Variants in LMLN observed in about 807,000 individuals in gnomAD.
LMLN encodes leishmanolysin-like peptidase.
LMLN carries 70 observed loss-of-function variants against 92.3 expected under a neutral mutation model. That is an observed-to-expected ratio of 0.76 (90% CI 0.63 to 0.92). The LOEUF is 0.92. Ranked by LOEUF, LMLN falls within the 40% of genes least tolerant of loss-of-function variation. LMLN has a pLI of 0.00. For missense variants in LMLN, 691 were observed against 814.6 expected (o/e 0.85, Z 1.85); for synonymous variants, 308 against 296.2 (o/e 1.04, Z -0.41).
intron 5 of LMLN, 111 bp from the exon 6 acceptor site, chr3:197,980,215 A>G (rs763001206): frequency 2.6e-5 from 22 of 844,960 alleles, no homozygotes; most frequent in Non-Finnish European, 4.0e-5. Flanking sequence ...TTTAGGGATA[A>G]TAAAGATTAA....
chr3:197,997,411 G>T (rs1722057957), intron 10 of LMLN, among the ~76,000 whole-genome samples: 1 of 152,192 alleles, frequency 6.6e-6, no homozygotes, highest in East Asian at 1.9e-4. Flanking sequence ...GGGGTTACGG[G>T]CATGCATTCC....
intron 11 of LMLN, 127 bp downstream of exon 11, chr3:197,999,469 G>C: frequency 1.5e-6 from 1 of 652,970 alleles, no homozygotes; most frequent in Non-Finnish European, 2.7e-6. Context: ...TTTGAATCTT[G>C]TACAGTTAGC....
intron 11 of LMLN, among the ~76,000 whole-genome samples, chr3:198,006,631 GT>G (rs1722301094): frequency 6.6e-6 from 1 of 151,760 alleles, no homozygotes; most frequent in Non-Finnish European, 1.5e-5. Context: ...TTTAATTTGT[GT>G]TTCCCTAACG....
At chr3:198,024,143 A>T (rs1322569109) in intron 13 of LMLN, among the ~76,000 whole-genome samples, 1 of 151,508 alleles carries the variant, frequency 6.6e-6, no homozygotes, top group Non-Finnish European at 1.5e-5. Context: ...CTTGTGTCTG[A>T]TGCAGTAATT....
At chr3:198,008,382 A>G (rs1722349787) in intron 11 of LMLN, among the ~76,000 whole-genome samples, 1 of 152,226 alleles carries the variant, frequency 6.6e-6, no homozygotes, top group African/African-American at 2.4e-5. Flanking sequence ...TTATTACTAA[A>G]TGAGCAAATA....
chr3:197,967,477 T>C lies in LMLN; in HGVS notation c.220-6900T>C, dbSNP rs189511185. Reference sequence around the variant, plus strand: ...GAGGGAGTAGGTCACAAAGATCACATGCTTCAAACAGCAAAAAGGAGAACA... The same window carrying C: ...GAGGGAGTAGGTCACAAAGATCACACGCTTCAAACAGCAAAAAGGAGAACA... On this transcript the variant is annotated intron_variant, in intron 1 of 15. Transcript: ENST00000330198. Among the ~76,000 whole-genome samples, 179 of 152,284 alleles carry C rather than the reference T, an allele frequency of 1.2e-3. 1 individual carries two copies. Among genetic ancestry groups the C allele is most frequent in the Non-Finnish European group, 2.1e-3 (141 of 68,022 alleles).
At chr3:197,999,243 TA>T in intron 10 of LMLN, 22 bp from the exon 11 acceptor site, 1 of 1,573,888 alleles carries the variant, frequency 6.4e-7, no homozygotes, top group Non-Finnish European at 8.7e-7. Flanking sequence ...CTAGTCTAAT[TA>T]AACCCTGTTG....
intron 14 of LMLN, among the ~76,000 whole-genome samples, chr3:198,030,540 A>G (rs1473772669): frequency 5.9e-5 from 9 of 152,188 alleles, no homozygotes; most frequent in African/African-American, 2.2e-4. Context: ...TACCTGAGGT[A>G]TTCTATCCAT....
chr3:197,990,445 ATATTT>A (rs1721833404), intron 8 of LMLN, 109 bp from the exon 9 acceptor site: 1 of 523,968 alleles, frequency 1.9e-6, no homozygotes, highest in Non-Finnish European at 3.4e-6. Flanking sequence ...AGGTTCTCAA[ATATTT>A]TAATTTCATA....
At chr3:198,026,186 G>A (rs1335313675) in intron 14 of LMLN, among the ~76,000 whole-genome samples, 1 of 152,044 alleles carries the variant, frequency 6.6e-6, no homozygotes, top group Non-Finnish European at 1.5e-5. Flanking sequence ...GAACTCCTGG[G>A]TTCATGTGAT....
chr3:198,000,404 G>A (rs1722138052), intron 11 of LMLN, among the ~76,000 whole-genome samples: 1 of 152,130 alleles, frequency 6.6e-6, no homozygotes, highest in African/African-American at 2.4e-5. Context: ...GGTGAAAGAG[G>A]TAAAAGCATT....
At chr3:197,977,347 TGATC>T (rs993687244) in intron 5 of LMLN, among the ~76,000 whole-genome samples, 27 of 152,306 alleles carry the variant, frequency 1.8e-4, no homozygotes, top group African/African-American at 6.5e-4. Context: ...AATAAAAAAA[TGATC>T]AAACAATCTG....
At chr3:197,981,136 G>A (rs886867470) in intron 6 of LMLN, among the ~76,000 whole-genome samples, 1 of 151,658 alleles carries the variant, frequency 6.6e-6, no homozygotes, top group South Asian at 2.1e-4. Flanking sequence ...GGCTGGGCGC[G>A]GTGGCTCACA....
At chr3:198,014,090 G>C (rs1412532385) in intron 11 of LMLN, among the ~76,000 whole-genome samples, 20 of 134,140 alleles carry the variant, frequency 1.5e-4, no homozygotes, top group African/African-American at 4.6e-4. Context: ...TGACTTCTCT[G>C]TACCCTTCAG....
intron 4 of LMLN, 24 bp downstream of exon 4, chr3:197,976,135 A>C: frequency 4.1e-6 from 6 of 1,466,162 alleles, no homozygotes; most frequent in African/African-American, 1.4e-5. Flanking sequence ...AACACAGATC[A>C]TTTTCTTCAG....
intron 14 of LMLN, among the ~76,000 whole-genome samples, chr3:198,029,488 A>G (rs1408775735): frequency 6.6e-6 from 1 of 152,138 alleles, no homozygotes. Context: ...CCCAGGCAAC[A>G]TGGTGAAACC....
At chr3:197,962,646 A>G (rs774905830) in intron 1 of LMLN, among the ~76,000 whole-genome samples, 1 of 152,172 alleles carries the variant, frequency 6.6e-6, no homozygotes, top group Non-Finnish European at 1.5e-5. Flanking sequence ...TTTCTAAGAA[A>G]TCTTTAAATA....
At chr3:197,972,722 G>T (rs1232382528) in intron 1 of LMLN, among the ~76,000 whole-genome samples, 1 of 150,060 alleles carries the variant, frequency 6.7e-6, no homozygotes, top group African/African-American at 2.5e-5. Context: ...TTTTGTAGCT[G>T]GCGTTTAACT....
rs544076791 is a variant in LMLN, at chr3:197,969,959, C to T, written c.220-4418C>T. On this transcript the variant is annotated intron_variant, in intron 1 of 15. Coordinates refer to ENST00000330198, the Ensembl canonical transcript of LMLN. ...AGGAATTCAAGACCAGCCTGGCCAA[C>T]GTGGTGAAACCCTGTCTCTACTAAA... 1.5e-3 allele frequency among the ~76,000 whole-genome samples: 229 copies of T among 152,232 alleles called. 1 individual carries two copies. Among genetic ancestry groups the T allele is most frequent in the African/African-American group, 5.1e-3 (213 of 41,544 alleles).
Sources: allele counts gnomAD v4.1 joint callset (sites outside exome capture counted in the v4.1 genomes callset), GRCh38; gene constraint gnomAD v4.1.1; transcripts MANE v1.5; gene names NCBI Gene and HGNC (gene_info 2026-07-23, HGNC 2026-07-21).